The following CA10 variants were observed in gnomAD, a reference collection of about 807,000 sequenced individuals.
CA10 encodes carbonic anhydrase-related protein 10.
Under a neutral mutation model 44.2 loss-of-function variants are expected in CA10, and 14 were observed. The observed-to-expected ratio is 0.32, with a 90% CI of 0.21 to 0.50. The LOEUF (loss-of-function observed/expected upper bound fraction) is 0.50, where lower values mean the gene tolerates loss of function less well. Ranked by LOEUF, CA10 falls within the 20% of genes least tolerant of loss-of-function variation. The pLI is 0.99. For missense variants in CA10, 350 were observed against 409.7 expected, an observed-to-expected ratio of 0.85 and a Z score of 1.26; for synonymous variants, 159 against 141.6, an observed-to-expected ratio of 1.12 and a Z score of -0.87.
At chr17:51,710,519 A>G (rs1473518184) in intron 4 of CA10, among the ~76,000 whole-genome samples, 2 of 152,126 alleles carry the variant, frequency 1.3e-5, no homozygotes, top group Non-Finnish European at 2.9e-5. Context: ...CCTACTTAAT[A>G]TTGGGCAGCT....
At chr17:51,910,336 G>T (rs1221292410) in intron 3 of CA10, among the ~76,000 whole-genome samples, 1 of 152,094 alleles carries the variant, frequency 6.6e-6, no homozygotes, top group Non-Finnish European at 1.5e-5. Context: ...CAACGAAAGA[G>T]CAGGGAAACA....
intron 1 of CA10, among the ~76,000 whole-genome samples, chr17:52,085,840 C>T (rs1238915946): frequency 6.6e-6 from 1 of 152,152 alleles, no homozygotes; most frequent in African/African-American, 2.4e-5. Context: ...CATGTGTTCA[C>T]ACTATTTACT....
chr17:51,932,455 A>G (rs1483625794), intron 2 of CA10, among the ~76,000 whole-genome samples: 1 of 152,152 alleles, frequency 6.6e-6, no homozygotes, highest in Non-Finnish European at 1.5e-5. Flanking sequence ...TATTTGTTAT[A>G]GGCAACTGTA....
At chr17:52,039,033 T>A (rs1008186176) in intron 2 of CA10, among the ~76,000 whole-genome samples, 8 of 152,134 alleles carry the variant, frequency 5.3e-5, no homozygotes, top group African/African-American at 1.9e-4. Flanking sequence ...ATTTCTAAAA[T>A]TTTTCCCAAC....
intron 2 of CA10, among the ~76,000 whole-genome samples, chr17:51,979,199 C>T (rs960553414): frequency 6.6e-6 from 1 of 152,106 alleles, no homozygotes; most frequent in Non-Finnish European, 1.5e-5. Context: ...TATTTCCTCC[C>T]CCACTTATGA....
At chr17:51,792,062 TAA>T (rs1906539607) in intron 3 of CA10, among the ~76,000 whole-genome samples, 1 of 152,094 alleles carries the variant, frequency 6.6e-6, no homozygotes, top group South Asian at 2.1e-4. Context: ...GAGAAATAAA[TAA>T]AGAGATGCTA....
chr17:52,075,499 G>C (rs756330888), intron 1 of CA10, among the ~76,000 whole-genome samples: 1 of 152,190 alleles, frequency 6.6e-6, no homozygotes. Flanking sequence ...TGCTTTGTGT[G>C]TATATGCAAA....
chr17:52,128,812 C>T (rs1347169960), intron 1 of CA10, among the ~76,000 whole-genome samples: 1 of 152,144 alleles, frequency 6.6e-6, no homozygotes, highest in Non-Finnish European at 1.5e-5. Context: ...TGCTTTCCAG[C>T]TCAGCTGCTG....
chr17:51,700,172 A>G (rs1399952010), intron 4 of CA10, among the ~76,000 whole-genome samples: 1 of 152,172 alleles, frequency 6.6e-6, no homozygotes, highest in African/African-American at 2.4e-5. Flanking sequence ...GAACTGGTGA[A>G]TGTCCCGGTC....
At chr17:51,954,884 C>T (rs772635670) in intron 2 of CA10, among the ~76,000 whole-genome samples, 1 of 152,154 alleles carries the variant, frequency 6.6e-6, no homozygotes, top group Non-Finnish European at 1.5e-5. Flanking sequence ...TCTATAGAGA[C>T]CCCATTACAG....
chr17:51,888,784 C>T (rs1010149453), intron 3 of CA10, among the ~76,000 whole-genome samples: 3 of 152,144 alleles, frequency 2.0e-5, no homozygotes, highest in Admixed American at 2.0e-4. Context: ...CTGCTGTTCC[C>T]ATTACCTATT....
At chr17:51,949,817 G>GT (rs1156767461) in intron 2 of CA10, among the ~76,000 whole-genome samples, 6 of 152,056 alleles carry the variant, frequency 3.9e-5, no homozygotes, top group Non-Finnish European at 5.9e-5. Context: ...ATAGAGCTTT[G>GT]TGGCCCCTGT....
At chr17:51,748,717 C>T (rs1025355596) in intron 3 of CA10, among the ~76,000 whole-genome samples, 1 of 152,176 alleles carries the variant, frequency 6.6e-6, no homozygotes, top group Non-Finnish European at 1.5e-5. Context: ...GATTTTCTTC[C>T]TGCTTACTCT....
chr17:52,030,339 A>G (rs888329384), intron 2 of CA10, among the ~76,000 whole-genome samples: 10 of 152,216 alleles, frequency 6.6e-5, no homozygotes, highest in Admixed American at 2.6e-4. Context: ...GTGGGATAAC[A>G]TCAATGGATG....
intron 3 of CA10, among the ~76,000 whole-genome samples, chr17:51,853,317 G>A (rs1381396617): frequency 3.3e-5 from 5 of 152,182 alleles, no homozygotes; most frequent in Non-Finnish European, 7.3e-5. Flanking sequence ...CTGATCCTCA[G>A]GCTGTTCTGC....
At chr17:51,737,018 A>G (rs904638060) in intron 4 of CA10, among the ~76,000 whole-genome samples, 1 of 152,178 alleles carries the variant, frequency 6.6e-6, no homozygotes, top group African/African-American at 2.4e-5. Flanking sequence ...GAACTGGAAG[A>G]TCATCTCAGG....
chr17:51,695,647 G>A (rs1915377731), intron 4 of CA10, among the ~76,000 whole-genome samples: 1 of 152,084 alleles, frequency 6.6e-6, no homozygotes, highest in South Asian at 2.1e-4. Context: ...CTATTTGGAT[G>A]CCTTTTATTT....
At chr17:51,887,458 G>C (rs1980658216) in intron 3 of CA10, among the ~76,000 whole-genome samples, 1 of 152,152 alleles carries the variant, frequency 6.6e-6, no homozygotes, top group African/African-American at 2.4e-5. Context: ...CAGCAACCCA[G>C]AACTAAATGT....
At chr17:51,731,107 AGTG>A (rs1349146022) in intron 4 of CA10, among the ~76,000 whole-genome samples, 1 of 152,192 alleles carries the variant, frequency 6.6e-6, no homozygotes, top group African/African-American at 2.4e-5. Context: ...GGCCAGGCAC[AGTG>A]GCTTATGCCT....
Sources: gnomAD v4.1 joint callset for allele counts (sites outside exome capture counted in the v4.1 genomes callset) on GRCh38, gnomAD v4.1.1 for gene constraint, MANE v1.5 for transcripts, NCBI Gene and HGNC (gene_info 2026-07-23, HGNC 2026-07-21) for gene names.